Variants in SULF2 observed in about 807,000 individuals in gnomAD.
The protein encoded by SULF2 is sulfatase 2.
Under a neutral mutation model 107.7 loss-of-function variants are expected in SULF2, and 52 were observed. That is an observed-to-expected ratio of 0.48 (90% CI 0.39 to 0.61). The LOEUF (loss-of-function observed/expected upper bound fraction) is 0.61, where lower values mean the gene tolerates loss of function less well. Among genes scored for constraint, SULF2 ranks in the 20% least tolerant of loss-of-function variants. The pLI, the probability that SULF2 is intolerant of heterozygous loss-of-function variation, is 0.00. For synonymous variants in SULF2, 460 were observed against 464.3 expected (o/e 0.99, Z 0.12); for missense variants, 993 against 1,177.3 (o/e 0.84, Z 2.29).
intron 1 of SULF2, among the ~76,000 whole-genome samples, chr20:47,759,881 C>A (rs1944933475): frequency 1.3e-5 from 2 of 152,234 alleles, no homozygotes. Context: ...CCTGCAATTT[C>A]TTATTTATTG....
chr20:47,674,431 G>A lies in SULF2; in HGVS notation c.1381-2038C>T, dbSNP rs114092208. ...CTGAGCCCTGGGCCTCAGTTTCCCC[G>A]TGTACAGAACATACCTGCCAGATAG... On this transcript the variant is annotated intron_variant, in intron 10 of 20. Coordinates refer to ENST00000688720, the MANE Select transcript of SULF2 (RefSeq NM_001387048.1). 3.8e-3 allele frequency among the ~76,000 whole-genome samples: 575 copies of A among 152,358 alleles called. 6 individuals are homozygous for A. The highest frequency in any genetic ancestry group is 0.013 in the African/African-American group (531 of 41,584).
Position 47,721,764 on chromosome 20 carries a change from G to A in SULF2, c.415+14939C>T, listed in dbSNP as rs554955769. On this transcript the variant is annotated intron_variant, in intron 3 of 20. Coordinates refer to ENST00000688720, the MANE Select transcript of SULF2 (RefSeq NM_001387048.1). ...TAATTGTGCCTTCAGTCACCAAAGA[G>A]GGAGGGAACCAATCTTTCCCCTTTC... 1.2e-4 allele frequency among the ~76,000 whole-genome samples: 19 copies of A among 152,330 alleles called. No individual in the cohort carries two copies. In the South Asian group the frequency reaches 3.9e-3, roughly 32 times the overall value.
chr20:47,768,173 C>T (rs1216275533), intron 1 of SULF2, among the ~76,000 whole-genome samples: 4 of 152,188 alleles, frequency 2.6e-5, no homozygotes, highest in Non-Finnish European at 5.9e-5. Context: ...AAGACAGCGA[C>T]GCCACTTTGT....
Position 47,678,504 on chromosome 20 carries a change from A to ATAGGG in SULF2, c.1193+171_1193+172insCCCTA. 3.3e-6 allele frequency: 2 copies of ATAGGG among 608,422 alleles called. No homozygotes were observed. The highest frequency in any genetic ancestry group is 2.7e-6 in the Non-Finnish European group (1 of 372,934). 37.7% of individuals were successfully genotyped at this position (608,422 alleles called of 1,614,324 possible). A position where few individuals can be genotyped will look rare whatever the true frequency, so the allele number is the denominator to read the frequency against. Reference sequence around the variant, plus strand: ...TCCAGATGGGAAGACAGAATCTCGGAGAGGGGACCATGCTTCTCTCCCACA... The same window carrying ATAGGG: ...TCCAGATGGGAAGACAGAATCTCGGATAGGGGAGGGGACCATGCTTCTCTCCCACA... On this transcript the variant is annotated intron_variant, in intron 8 of 20. Coordinates refer to ENST00000688720, the MANE Select transcript of SULF2 (RefSeq NM_001387048.1). The surrounding 1 kb of genome is among the most constrained non-coding windows in gnomAD (Gnocchi z 4.5).
intron 3 of SULF2, among the ~76,000 whole-genome samples, chr20:47,735,357 C>T (rs962357612): frequency 7.9e-5 from 12 of 152,102 alleles, no homozygotes; most frequent in Admixed American, 2.0e-4. Context: ...TAAGCTGTGC[C>T]GGCATATTTT....
rs1224946202 is a variant in SULF2, at chr20:47,785,328, C to G, written c.-101+15G>C. On this transcript the variant is annotated intron_variant, in intron 1 of 20. Transcript: ENST00000688720. ...CGTCCCCCAGCCACCCACCTGCCCC[C>G]CACGCCCCACTCACCAGCGCGCACG... 1 of 147,468 alleles carries G rather than the reference C, an allele frequency of 6.8e-6. No homozygotes were observed. The highest frequency in any genetic ancestry group is 1.5e-5 in the Non-Finnish European group (1 of 65,898). 9.1% of individuals were successfully genotyped at this position (147,468 alleles called of 1,614,324 possible). A position where few individuals can be genotyped will look rare whatever the true frequency, so the allele number is the denominator to read the frequency against.
intron 3 of SULF2, among the ~76,000 whole-genome samples, chr20:47,712,528 G>A (rs1463444729): frequency 6.6e-6 from 1 of 152,176 alleles, no homozygotes; most frequent in Non-Finnish European, 1.5e-5. Flanking sequence ...CTAGGGTGTG[G>A]GGTCCGTAAG....
chr20:47,695,226 G>A (rs1286307981), intron 4 of SULF2, among the ~76,000 whole-genome samples: 2 of 152,130 alleles, frequency 1.3e-5, no homozygotes, highest in Non-Finnish European at 2.9e-5. Flanking sequence ...ATGTATGGAT[G>A]CAGTTTTAAT....
intron 15 of SULF2, 146 bp from the exon 16 acceptor site, chr20:47,663,768 G>T (rs907648077): frequency 6.2e-6 from 6 of 963,234 alleles, no homozygotes; most frequent in Non-Finnish European, 7.6e-6. Context: ...CCAAGTCCCA[G>T]TGCTGCTCCA....
At chr20:47,738,301 C>T (rs143195602) in intron 2 of SULF2, among the ~76,000 whole-genome samples, 1 of 152,312 alleles carries the variant, frequency 6.6e-6, no homozygotes, top group East Asian at 1.9e-4. Context: ...TACCCAGACC[C>T]TTAGTGATTT....
At chr20:47,673,808 G>A (rs1198831090) in intron 10 of SULF2, among the ~76,000 whole-genome samples, 2 of 152,232 alleles carry the variant, frequency 1.3e-5, no homozygotes, top group Non-Finnish European at 1.5e-5. Context: ...TCTGACTGTC[G>A]CCAGAGGGGA....
chr20:47,698,300 A>G (rs1325494147), intron 4 of SULF2, among the ~76,000 whole-genome samples: 2 of 152,118 alleles, frequency 1.3e-5, no homozygotes, highest in Non-Finnish European at 2.9e-5. Flanking sequence ...TGCTACCCCC[A>G]TGTCTGGCTC....
intron 3 of SULF2, among the ~76,000 whole-genome samples, chr20:47,729,009 G>T (rs1328676212): frequency 6.6e-6 from 1 of 152,202 alleles, no homozygotes; most frequent in Non-Finnish European, 1.5e-5. Flanking sequence ...CACAGTCAGT[G>T]GTGTTCAGTG....
intron 11 of SULF2, among the ~76,000 whole-genome samples, chr20:47,671,602 C>T (rs2087472629): frequency 2.0e-5 from 3 of 152,108 alleles, no homozygotes. Flanking sequence ...TCACCACAAA[C>T]ACTGACTAAT....
rs536322353 is a variant in SULF2, at chr20:47,752,607, T to C, written c.175+4582A>G. Among the ~76,000 whole-genome samples the C allele has an allele frequency of 3.5e-4, 52 of 147,720 alleles. No individual in the cohort carries two copies. The Middle Eastern group carries it at 0.011, about 30-fold the overall frequency. ...AACCCCAAAAACTCCCAAAATTAGC[T>C]GAGTGTGATGGTGCGCACCTGTAGT... On this transcript the variant is annotated intron_variant, in intron 2 of 20. Coordinates refer to ENST00000688720, the MANE Select transcript of SULF2 (RefSeq NM_001387048.1).
At chr20:47,684,170 A>C (rs2087918973) in intron 6 of SULF2, among the ~76,000 whole-genome samples, 1 of 152,242 alleles carries the variant, frequency 6.6e-6, no homozygotes, top group Non-Finnish European at 1.5e-5. Context: ...TGTGTTCAAA[A>C]ATGTAAATAG....
intron 3 of SULF2, among the ~76,000 whole-genome samples, chr20:47,723,613 A>G (rs2089356609): frequency 6.6e-6 from 1 of 152,156 alleles, no homozygotes; most frequent in Admixed American, 6.5e-5. Flanking sequence ...CTCCTATCAG[A>G]TCAGCAGCAG....
intron 11 of SULF2, among the ~76,000 whole-genome samples, chr20:47,667,903 G>GT (rs1426259243): frequency 1.3e-5 from 2 of 152,168 alleles, no homozygotes; most frequent in Non-Finnish European, 2.9e-5. Context: ...GGGATGTTTT[G>GT]TATCTTTCAG....
intron 3 of SULF2, among the ~76,000 whole-genome samples, chr20:47,715,871 G>A (rs112103943): frequency 0.1 from 15,186 of 152,238 alleles, 777 homozygotes; most frequent in Middle Eastern, 0.17. Context: ...GAGCCACTGC[G>A]CCTGGCTGAG....
Sources: gnomAD v4.1 joint callset for allele counts (sites outside exome capture counted in the v4.1 genomes callset) on GRCh38, gnomAD v4.1.1 for gene constraint, Gnocchi (gnomAD v3.1) non-coding constraint, MANE v1.5 for transcripts, NCBI Gene and HGNC (gene_info 2026-07-23, HGNC 2026-07-21) for gene names.